The following AFF3 variants were observed in gnomAD, a reference collection of about 807,000 sequenced individuals.
The protein encoded by AFF3 is AF4/FMR2 family member 3.
Under a neutral mutation model 129.7 loss-of-function variants are expected in AFF3, and 32 were observed. The ratio of observed to expected loss-of-function variants is 0.25; its 90% CI spans 0.19 to 0.33. AFF3 has a LOEUF of 0.33. Among genes scored for constraint, AFF3 ranks in the 10% least tolerant of loss-of-function variants. The probability of loss-of-function intolerance (pLI) is 1.00; values close to 1 mark genes in which losing one functional copy is unlikely to be tolerated. For missense variants in AFF3, 1,373 were observed against 1,592.0 expected, an observed-to-expected ratio of 0.86 and a Z score of 2.34; for synonymous variants, 644 against 635.4, an observed-to-expected ratio of 1.01 and a Z score of -0.20.
chr2:99,638,478 G>A (rs1683878311), intron 13 of AFF3, among the ~76,000 whole-genome samples: 1 of 151,646 alleles, frequency 6.6e-6, no homozygotes, highest in Non-Finnish European at 1.5e-5. Context: ...TGGTGGTGCG[G>A]GTTAGTTTTT....
intron 2 of AFF3, chr2:100,106,718 T>C: frequency 3.0e-6 from 3 of 985,998 alleles, no homozygotes; most frequent in Non-Finnish European, 3.6e-6. Flanking sequence ...GATCTGGCTT[T>C]CCTTCCCTTC....
intron 8 of AFF3, among the ~76,000 whole-genome samples, chr2:99,764,577 C>T (rs1486109916): frequency 6.6e-6 from 1 of 152,080 alleles, no homozygotes; most frequent in Non-Finnish European, 1.5e-5. Flanking sequence ...TTCGATCCAC[C>T]TGGTTTTCAA....
At chr2:99,768,858 C>T (rs923956633) in intron 8 of AFF3, among the ~76,000 whole-genome samples, 2 of 152,334 alleles carry the variant, frequency 1.3e-5, no homozygotes, top group South Asian at 2.1e-4. Flanking sequence ...GAAAAGTCTG[C>T]GGCCAGATGT....
chr2:99,818,394 TC>T (rs988118623), intron 8 of AFF3, among the ~76,000 whole-genome samples: 8 of 152,108 alleles, frequency 5.3e-5, no homozygotes, highest in Admixed American at 4.6e-4. Context: ...AAACTGTACA[TC>T]AATGAAAAAT....
chr2:99,969,083 G>A (rs1678082102), intron 7 of AFF3, among the ~76,000 whole-genome samples: 1 of 152,202 alleles, frequency 6.6e-6, no homozygotes, highest in African/African-American at 2.4e-5. Flanking sequence ...CCAAGAAGAA[G>A]CAATGGAGTG....
chr2:99,751,484 T>C (rs1023049778), intron 9 of AFF3, among the ~76,000 whole-genome samples: 8 of 152,208 alleles, frequency 5.3e-5, no homozygotes, highest in African/African-American at 1.2e-4. Context: ...AACTTAGGAA[T>C]TGGAAAAATA....
At chr2:99,935,829 C>A (rs554411223) in intron 7 of AFF3, among the ~76,000 whole-genome samples, 1 of 152,306 alleles carries the variant, frequency 6.6e-6, no homozygotes, top group South Asian at 2.1e-4. Context: ...TCAGTTTTTT[C>A]CATTCCACTT....
intron 8 of AFF3, among the ~76,000 whole-genome samples, chr2:99,778,862 C>T (rs966233641): frequency 1.7e-4 from 25 of 146,032 alleles, no homozygotes; most frequent in African/African-American, 4.6e-4. Context: ...TGTTTATTAC[C>T]TATAATTTTG....
At chr2:99,678,052 G>A (rs181558952) in intron 11 of AFF3, among the ~76,000 whole-genome samples, 304 of 152,306 alleles carry the variant, frequency 2.0e-3, no homozygotes, top group African/African-American at 6.8e-3. Flanking sequence ...ATCCACAGAA[G>A]GTGTACTGTC....
At chr2:99,665,544 G>T (rs1008000370) in intron 12 of AFF3, among the ~76,000 whole-genome samples, 11 of 152,226 alleles carry the variant, frequency 7.2e-5, no homozygotes, top group African/African-American at 2.7e-4. Flanking sequence ...TGATGGCAAA[G>T]GCCAGAAGTC....
chr2:99,999,250 T>A (rs1413594200), intron 7 of AFF3, among the ~76,000 whole-genome samples: 2 of 152,238 alleles, frequency 1.3e-5, no homozygotes, highest in Non-Finnish European at 2.9e-5. Flanking sequence ...GGTTTCCATT[T>A]CGCTTTGTAA....
At chr2:99,664,767 C>T (rs1349198926) in intron 12 of AFF3, among the ~76,000 whole-genome samples, 2 of 152,224 alleles carry the variant, frequency 1.3e-5, no homozygotes, top group South Asian at 4.1e-4. Flanking sequence ...ATTCGTTCAA[C>T]AAATATTTAG....
intron 2 of AFF3, chr2:100,106,325 TAGC>T: frequency 8.6e-7 from 1 of 1,157,336 alleles, no homozygotes; most frequent in Non-Finnish European, 1.1e-6. Flanking sequence ...TAGCTGAAGG[TAGC>T]AAGTAGCAAG....
intron 7 of AFF3, among the ~76,000 whole-genome samples, chr2:100,002,045 C>T (rs1482056072): frequency 1.3e-5 from 2 of 152,182 alleles, no homozygotes; most frequent in African/African-American, 4.8e-5. Flanking sequence ...CATGGGTGAG[C>T]GAGGGTGATG....
chr2:99,946,259 G>A (rs1675550381), intron 7 of AFF3, among the ~76,000 whole-genome samples: 2 of 151,644 alleles, frequency 1.3e-5, no homozygotes, highest in Admixed American at 1.3e-4. Context: ...GGTCATTTGA[G>A]GTCAGGAGTT....
chr2:99,959,796 C>T (rs904691969), intron 7 of AFF3, among the ~76,000 whole-genome samples: 9 of 151,370 alleles, frequency 5.9e-5, no homozygotes, highest in Non-Finnish European at 1.0e-4. Context: ...AAACACAGCC[C>T]GCTCTTGCTA....
rs781713649 is a variant in AFF3, at chr2:99,727,144, G to A, written c.1040-16C>T. 1 of 1,605,130 alleles carries A rather than the reference G, an allele frequency of 6.2e-7. No homozygotes were observed. Among genetic ancestry groups the A allele is most frequent in the Non-Finnish European group, 8.5e-7 (1 of 1,176,634 alleles). ...TCACCTTTCTCTTAAAAAGGAAGCA[G>A]AAAAAAATACCGACATATGAGTCTT... On this transcript the variant is annotated splice_polypyrimidine_tract_variant and intron_variant, in intron 10 of 24. Coordinates refer to ENST00000672756, the MANE Select transcript of AFF3 (RefSeq NM_001386135.1).
At chr2:99,792,370 G>T (rs1031684856) in intron 8 of AFF3, among the ~76,000 whole-genome samples, 26 of 152,134 alleles carry the variant, frequency 1.7e-4, no homozygotes, top group Admixed American at 4.6e-4. Context: ...TACTTGGAAG[G>T]CTGAGGTGGG....
chr2:99,791,502 G>A (rs1211606294), intron 8 of AFF3, among the ~76,000 whole-genome samples: 3 of 152,164 alleles, frequency 2.0e-5, no homozygotes, highest in Admixed American at 6.5e-5. Flanking sequence ...GCGCCTGAAC[G>A]TTTTTGATCT....
Sources: allele counts gnomAD v4.1 joint callset (sites outside exome capture counted in the v4.1 genomes callset), GRCh38; gene constraint gnomAD v4.1.1; transcripts MANE v1.5; gene names NCBI Gene and HGNC (gene_info 2026-07-23, HGNC 2026-07-21).